The following DHRS7B variants were observed in gnomAD, a reference collection of about 807,000 sequenced individuals.
The protein encoded by DHRS7B is peroxisomal reductase activating PPAR-gamma.
In DHRS7B, 24 loss-of-function variants were observed where a neutral mutation model predicts 26.4. That is an observed-to-expected ratio of 0.91 (90% confidence interval 0.66 to 1.28). DHRS7B has a LOEUF of 1.28. Among genes scored for constraint, DHRS7B ranks in the 50% most tolerant of loss-of-function variants. The pLI is 0.00. For synonymous variants in DHRS7B, 142 were observed against 166.4 expected, an observed-to-expected ratio of 0.85 and a Z score of 1.13; for missense variants, 368 against 419.4, an observed-to-expected ratio of 0.88 and a Z score of 1.07.
intron 3 of DHRS7B, among the ~76,000 whole-genome samples, chr17:21,182,533 G>A (rs1302080354): frequency 6.6e-6 from 1 of 152,040 alleles, no homozygotes; most frequent in Non-Finnish European, 1.5e-5. Context: ...ATAGGCATGA[G>A]CCACTGCCCC....
intron 1 of DHRS7B, among the ~76,000 whole-genome samples, chr17:21,169,111 C>G (rs1567625463): frequency 6.6e-6 from 1 of 152,164 alleles, no homozygotes; most frequent in African/African-American, 2.4e-5. Context: ...GCCTTGATAA[C>G]CACATTTTCT....
chr17:21,167,685 C>T (rs1047332890), intron 1 of DHRS7B, among the ~76,000 whole-genome samples: 1 of 152,214 alleles, frequency 6.6e-6, no homozygotes, highest in African/African-American at 2.4e-5. Flanking sequence ...TAGACAGACT[C>T]TGTCCCTTCT....
At chr17:21,166,797 T>C (rs552744992) in intron 1 of DHRS7B, among the ~76,000 whole-genome samples, 20 of 152,314 alleles carry the variant, frequency 1.3e-4, no homozygotes, top group African/African-American at 4.8e-4. Flanking sequence ...CAGTTGGAAC[T>C]CCTCTCTGCC....
At chr17:21,146,459 G>T (rs1597736421) in intron 1 of DHRS7B, among the ~76,000 whole-genome samples, 1 of 152,158 alleles carries the variant, frequency 6.6e-6, no homozygotes, top group East Asian at 1.9e-4. Flanking sequence ...AATCCTTTCT[G>T]CAGTCTTATA....
rs1159564807 is a variant in DHRS7B at position 21,191,024 on chromosome 17, GAAGA to G, written c.854_857del (p.Lys285MetfsTer2). On this transcript the variant is annotated frameshift_variant, in exon 7 of 7. Coordinates refer to ENST00000395511, the MANE Select transcript of DHRS7B (RefSeq NM_015510.5). LOFTEE classifies it high-confidence loss of function. ...ATGTTCTTGCTGCTGTGGGGAAGAA[GAAGA>G]AAGATGTGATCCTGGCTGACTTACT... 6.2e-7 allele frequency: 1 copy of G among 1,614,282 alleles called. No homozygotes were observed. The highest frequency in any genetic ancestry group is 1.7e-5 in the Admixed American group (1 of 60,036).
chr17:21,146,187 T>C (rs973134782), intron 1 of DHRS7B, among the ~76,000 whole-genome samples: 11 of 152,172 alleles, frequency 7.2e-5, no homozygotes, highest in Non-Finnish European at 4.4e-5. Context: ...GGCAGGCAGA[T>C]TGCCTGAACT....
chr17:21,165,250 CAG>C (rs1364813442), intron 1 of DHRS7B, among the ~76,000 whole-genome samples: 2 of 151,926 alleles, frequency 1.3e-5, no homozygotes, highest in African/African-American at 2.4e-5. Context: ...CAGTTTCTGT[CAG>C]GGGTGGGTGC....
intron 1 of DHRS7B, among the ~76,000 whole-genome samples, chr17:21,135,849 A>C (rs1291037191): frequency 6.6e-6 from 1 of 152,182 alleles, no homozygotes; most frequent in African/African-American, 2.4e-5. Context: ...TGGCCGTTAC[A>C]ATCTTACGTG....
At chr17:21,139,902 A>G (rs1285852784) in intron 1 of DHRS7B, among the ~76,000 whole-genome samples, 1 of 151,828 alleles carries the variant, frequency 6.6e-6, no homozygotes, top group Admixed American at 6.6e-5. Context: ...GCTCTTTTAT[A>G]TGTATTTTTA....
At chr17:21,164,915 A>T (rs1328708272) in intron 1 of DHRS7B, among the ~76,000 whole-genome samples, 1 of 152,136 alleles carries the variant, frequency 6.6e-6, no homozygotes, top group Non-Finnish European at 1.5e-5. Flanking sequence ...TACCAAACAT[A>T]CTCAAACATG....
At chr17:21,155,982 T>C (rs1373833560) in intron 1 of DHRS7B, among the ~76,000 whole-genome samples, 1 of 152,196 alleles carries the variant, frequency 6.6e-6, no homozygotes, top group Non-Finnish European at 1.5e-5. Flanking sequence ...GGGAAATTTA[T>C]AGCATTGAAT....
intron 1 of DHRS7B, among the ~76,000 whole-genome samples, chr17:21,143,149 G>A (rs560640789): frequency 1.2e-3 from 184 of 152,286 alleles, no homozygotes; most frequent in Middle Eastern, 3.4e-3. Context: ...GGCTAGTCTC[G>A]AACTCGACCT....
At chr17:21,168,795 T>C (rs1490416674) in intron 1 of DHRS7B, 1 of 985,340 alleles carries the variant, frequency 1.0e-6, no homozygotes, top group Non-Finnish European at 1.2e-6. Context: ...CCCGGCGCCA[T>C]GTTTGCCTCA....
At chr17:21,159,656 G>A (rs1023883061) in intron 1 of DHRS7B, among the ~76,000 whole-genome samples, 2 of 151,868 alleles carry the variant, frequency 1.3e-5, no homozygotes, top group Non-Finnish European at 2.9e-5. Context: ...GAGGATCACT[G>A]AGCTCAGGAG....
intron 1 of DHRS7B, among the ~76,000 whole-genome samples, chr17:21,156,586 C>T (rs1297309626): frequency 6.8e-6 from 1 of 146,728 alleles, no homozygotes; most frequent in Non-Finnish European, 1.5e-5. Flanking sequence ...TCCTGGGTAA[C>T]AGAGTGAGAC....
chr17:21,161,738 A>G (rs998956464), intron 1 of DHRS7B, among the ~76,000 whole-genome samples: 3 of 152,188 alleles, frequency 2.0e-5, no homozygotes, highest in African/African-American at 7.2e-5. Context: ...TCCTCAGGAA[A>G]TATTTGCTAG....
intron 5 of DHRS7B, 106 bp downstream of exon 5, chr17:21,184,569 T>A: frequency 8.6e-7 from 1 of 1,163,326 alleles, no homozygotes; most frequent in South Asian, 1.5e-5. Flanking sequence ...AAATAAACTA[T>A]CCAGAATGCA....
chr17:21,132,348 A>AAAAT (rs1491147235), intron 1 of DHRS7B, among the ~76,000 whole-genome samples: 12 of 125,046 alleles, frequency 9.6e-5, no homozygotes, highest in African/African-American at 2.9e-4. Flanking sequence ...AAAAAAAAAA[A>AAAAT]ATATATATAT....
chr17:21,187,829 TTTTA>T (rs147783016), intron 5 of DHRS7B, among the ~76,000 whole-genome samples: 65,280 of 145,406 alleles, frequency 0.45, 15,246 homozygotes, highest in Non-Finnish European at 0.52. Context: ...TGTTTTTAAC[TTTTA>T]TTTATTTATT....
Sources: gnomAD v4.1 joint callset for allele counts (sites outside exome capture counted in the v4.1 genomes callset) on GRCh38, gnomAD v4.1.1 for gene constraint, MANE v1.5 for transcripts, NCBI Gene and HGNC (gene_info 2026-07-23, HGNC 2026-07-21) for gene names.